ADPGK: variants seen among roughly 807,000 people sequenced by gnomAD.
ADPGK encodes the protein ADP-dependent glucokinase.
In ADPGK, 26 loss-of-function variants were observed where a neutral mutation model predicts 42.4. The observed-to-expected ratio is 0.61, with a 90% CI of 0.45 to 0.85. The LOEUF is 0.85. Ranked by LOEUF, ADPGK falls within the 40% of genes least tolerant of loss-of-function variation. The pLI, the probability that ADPGK is intolerant of heterozygous loss-of-function variation, is 0.00. For synonymous variants in ADPGK, 267 were observed against 252.6 expected (o/e 1.06, Z -0.54); for missense variants, 571 against 627.0 (o/e 0.91, Z 0.95).
chr15:72,752,299 G>A lies in ADPGK; in HGVS notation c.*42C>T, dbSNP rs1390237744. 1 of 1,545,936 alleles carries A rather than the reference G, an allele frequency of 6.5e-7. No individual in the cohort carries two copies. The highest frequency in any genetic ancestry group is 1.9e-5 in the Admixed American group (1 of 51,728). On this transcript the variant is annotated 3_prime_UTR_variant, in exon 7 of 7. Coordinates refer to ENST00000456471, the MANE Select transcript of ADPGK (RefSeq NM_001365225.1). ...CTTTCTTCCTGTAATTCTTAAGTTG[G>A]CTAGTTCTCCTTCCTCAGAAAAATT...
intron 6 of ADPGK, 68 bp downstream of exon 6, chr15:72,755,488 C>T (rs994007366): frequency 8.1e-7 from 1 of 1,236,284 alleles, no homozygotes; most frequent in Non-Finnish European, 1.2e-6. Flanking sequence ...GATGGTCCCA[C>T]TGCACAAAAA....
chr15:72,756,383 G>C lies in ADPGK; in HGVS notation c.708C>G (p.Ser236=). 4 of 1,614,218 alleles carry C rather than the reference G, an allele frequency of 2.5e-6. No individual in the cohort carries two copies. Among genetic ancestry groups the C allele is most frequent in the Non-Finnish European group, 3.4e-6 (4 of 1,180,042 alleles). The change falls in exon 5 of 7, where the codon TCC becomes TCG. Residue 236 remains serine (S), a synonymous_variant. Transcript: ENST00000456471. ...CCTCCAGCATATTCATGGCCCCGTT[G>C]GAGAGGTCGTGAGAGAAGATGAATC... ...ANRFIFSHDL[S]NGAMNMLEVF...
At chr15:72,777,859 C>G (rs1265574530) in intron 1 of ADPGK, among the ~76,000 whole-genome samples, 1 of 152,116 alleles carries the variant, frequency 6.6e-6, no homozygotes, top group East Asian at 1.9e-4. Context: ...TATCATGGAA[C>G]ATTTTCCATC....
In ADPGK at chr15:72,752,819, G is replaced by C; in HGVS notation, c.1016C>G (p.Pro339Arg). ...LLFLTQSASG[P>R]HSSLSSWNGV... ...GTTCCAGGAAGAGAGAGAAGAGTGA[G>C]GTCCAGAGGCTGACTGGGTGAGAAA... Residue 339 changes from proline (P) to arginine (R), a missense_variant, in exon 7 of 7, where the codon CCT (proline) becomes CGT (arginine). Around this residue, in one of 2 missense-constraint regions of ADPGK, gnomAD observed 434 missense variants for 522.7 expected, o/e 0.83. Coordinates refer to ENST00000456471, the MANE Select transcript of ADPGK (RefSeq NM_001365225.1). 3 of 1,614,240 alleles carry C rather than the reference G, an allele frequency of 1.9e-6. No individual in the cohort carries two copies. Among genetic ancestry groups the C allele is most frequent in the East Asian group, 4.5e-5 (2 of 44,894 alleles).
chr15:72,782,018 T>C (rs753763349), intron 1 of ADPGK, among the ~76,000 whole-genome samples: 2 of 152,212 alleles, frequency 1.3e-5, no homozygotes, highest in Admixed American at 6.5e-5. Context: ...AACACCTTGA[T>C]CTTGGACTAT....
intron 1 of ADPGK, among the ~76,000 whole-genome samples, chr15:72,780,807 T>G (rs897176490): frequency 6.6e-6 from 1 of 152,064 alleles, no homozygotes; most frequent in African/African-American, 2.4e-5. Flanking sequence ...AAACAAGATA[T>G]CCAATATTAA....
rs2066045487 is a variant in ADPGK, at chr15:72,751,524, T to C, written c.*817A>G. The C allele has an allele frequency of 6.5e-6, 1 of 152,672 alleles. No homozygotes were observed. Among genetic ancestry groups the C allele is most frequent in the South Asian group, 2.1e-4 (1 of 4,836 alleles). 9.5% of individuals were successfully genotyped at this position (152,672 alleles called of 1,614,324 possible). On this transcript the variant is annotated 3_prime_UTR_variant, in exon 7 of 7. Coordinates refer to ENST00000456471, the MANE Select transcript of ADPGK (RefSeq NM_001365225.1). ...GTGAAAACATAAAACATCCATGATC[T>C]GTTAACACACACAGGAGCATATTCC...
chr15:72,770,302 A>G (rs1235553091), intron 3 of ADPGK, among the ~76,000 whole-genome samples: 1 of 152,190 alleles, frequency 6.6e-6, no homozygotes, highest in African/African-American at 2.4e-5. Context: ...GTTTTATTAG[A>G]ATGCCTTCCA....
intron 1 of ADPGK, among the ~76,000 whole-genome samples, chr15:72,776,932 C>G (rs1449399649): frequency 6.6e-6 from 1 of 152,186 alleles, no homozygotes; most frequent in Non-Finnish European, 1.5e-5. Flanking sequence ...AAACATCTAG[C>G]TACTGTATTT....
chr15:72,765,744 G>C (rs151291080), intron 3 of ADPGK, among the ~76,000 whole-genome samples: 5 of 152,316 alleles, frequency 3.3e-5, no homozygotes, highest in African/African-American at 1.2e-4. Flanking sequence ...ACTAGAATTA[G>C]AAGTGGGGCC....
At position 72,775,051 on chromosome 15, in the gene ADPGK, G is replaced by GC. The variant is rs1289970244; in HGVS notation, c.279dup (p.Gln94AlafsTer6). On this transcript the variant is annotated frameshift_variant, in exon 2 of 7. Transcript: ENST00000456471. LOFTEE classifies it high-confidence loss of function. ...TTCCCAGGACTAAGGCCAAGTGCCT[G>GC]CAAGAGCTTCACCCCTGAGAGCACC... 6.2e-7 allele frequency: 1 copy of GC among 1,614,058 alleles called. No homozygotes were observed. Among genetic ancestry groups the GC allele is most frequent in the Non-Finnish European group, 8.5e-7 (1 of 1,180,038 alleles).
Position 72,752,860 on chromosome 15 carries a change from A to C in ADPGK, c.975T>G (p.Asn325Lys). The change falls in exon 7 of 7, where the codon AAT (asparagine) becomes AAG (lysine). Residue 325 changes from asparagine (N) to lysine (K), a missense_variant. Asn to Lys is a moderately conservative substitution (Grantham distance 94). Transcript: ENST00000456471. ...VFPAVTSLGLNEQELLFLTQS... is the reference protein window; with the variant it reads ...VFPAVTSLGLKEQELLFLTQS... ...GGGTGAGAAATAACAGCTCCTGTTC[A>C]TTCAGCCCAAGGGAAGTCACCGCGG... 6.2e-7 allele frequency: 1 copy of C among 1,614,122 alleles called. No homozygotes were observed. Among genetic ancestry groups the C allele is most frequent in the Non-Finnish European group, 8.5e-7 (1 of 1,180,004 alleles).
chr15:72,758,268 C>A, intron 4 of ADPGK: 1 of 778,308 alleles, frequency 1.3e-6, no homozygotes, highest in Non-Finnish European at 2.3e-6. Flanking sequence ...GCCCCTCTTT[C>A]CTCACAAAGT....
chr15:72,770,660 CTTTAT>C (rs1168960292), intron 3 of ADPGK, among the ~76,000 whole-genome samples: 1 of 152,110 alleles, frequency 6.6e-6, no homozygotes, highest in Non-Finnish European at 1.5e-5. Context: ...CTGCAAAAGT[CTTTAT>C]TTTCTTTTTA....
chr15:72,771,987 A>T (rs567617628), intron 2 of ADPGK, 142 bp from the exon 3 acceptor site: 396 of 518,108 alleles, frequency 7.6e-4, no homozygotes, highest in Non-Finnish European at 1.1e-3. Flanking sequence ...GGACACACAG[A>T]TGAAGTGAAT....
At chr15:72,760,685 C>A (rs762402353) in intron 3 of ADPGK, among the ~76,000 whole-genome samples, 158 bp from the exon 4 acceptor site, 1 of 152,002 alleles carries the variant, frequency 6.6e-6, no homozygotes, top group Non-Finnish European at 1.5e-5. Flanking sequence ...TGGAGGTGTG[C>A]GGCAGAAGGC....
chr15:72,766,513 T>C (rs1204578882), intron 3 of ADPGK, among the ~76,000 whole-genome samples: 1 of 152,242 alleles, frequency 6.6e-6, no homozygotes, highest in Admixed American at 6.5e-5. Flanking sequence ...GCTCAGATGA[T>C]TGTTAACATT....
intron 4 of ADPGK, among the ~76,000 whole-genome samples, chr15:72,759,500 C>CT (rs1227876972): frequency 6.6e-6 from 1 of 152,152 alleles, no homozygotes; most frequent in Non-Finnish European, 1.5e-5. Flanking sequence ...TGTTACAACT[C>CT]TTTTTTCTAC....
At position 72,752,671 on chromosome 15, in the gene ADPGK, G is replaced by C; in HGVS notation, c.1164C>G (p.Ile388Met). The C allele has an allele frequency of 6.2e-7, 1 of 1,614,230 alleles. No homozygotes were observed. Among genetic ancestry groups the C allele is most frequent in the Non-Finnish European group, 8.5e-7 (1 of 1,180,044 alleles). The change falls in exon 7 of 7, where the codon ATC becomes ATG. Residue 388 changes from isoleucine (I) to methionine (M), a missense_variant. Ile to Met is a conservative substitution (Grantham distance 10). Around this residue, in one of 2 missense-constraint regions of ADPGK, gnomAD observed 434 missense variants for 522.7 expected, o/e 0.83. Transcript: ENST00000456471. The part of the protein sequence containing the change: ...RIHFHTLVYH[I>M]LATVDGHWAN... ...CCCAGTGTCCATCCACAGTTGCCAG[G>C]ATGTGGTAGACCAGCGTGTGGAAAT...
Sources: gnomAD v4.1 joint callset for allele counts (sites outside exome capture counted in the v4.1 genomes callset) on GRCh38, gnomAD v4.1.1 for gene constraint, gnomAD v4.1.1 regional missense constraint, MANE v1.5 for transcripts, NCBI Gene and HGNC (gene_info 2026-07-23, HGNC 2026-07-21) for gene names.